The following TEKT3 variants were observed in gnomAD, a reference collection of about 807,000 sequenced individuals.
The protein encoded by TEKT3 is tektin 3.
In TEKT3, 49 loss-of-function variants were observed where a neutral mutation model predicts 49.8. That is an observed-to-expected ratio of 0.98 (90% confidence interval 0.78 to 1.25). The LOEUF is 1.25. Among genes scored for constraint, TEKT3 ranks in the 50% most tolerant of loss-of-function variants. The pLI, the probability that TEKT3 is intolerant of heterozygous loss-of-function variation, is 0.00. For synonymous variants in TEKT3, 225 were observed against 237.2 expected, an observed-to-expected ratio of 0.95 and a Z score of 0.47; for missense variants, 595 against 629.5, an observed-to-expected ratio of 0.95 and a Z score of 0.59.
intron 4 of TEKT3, among the ~76,000 whole-genome samples, chr17:15,326,998 G>A (rs550754714): frequency 6.6e-6 from 1 of 152,170 alleles, no homozygotes; most frequent in East Asian, 1.9e-4. Flanking sequence ...AGAACCTTTG[G>A]CACAACAATT....
chr17:15,332,695 G>A (rs1013654898), intron 2 of TEKT3, among the ~76,000 whole-genome samples: 4 of 152,172 alleles, frequency 2.6e-5, no homozygotes, highest in African/African-American at 9.7e-5. Context: ...TGAGGGCTAA[G>A]ACAATGCTAT....
chr17:15,333,475 G>A (rs967412079), intron 2 of TEKT3, among the ~76,000 whole-genome samples: 2 of 152,028 alleles, frequency 1.3e-5, no homozygotes, highest in Non-Finnish European at 2.9e-5. Context: ...GCCCCCAAAC[G>A]TGTTATACTG....
intron 1 of TEKT3, among the ~76,000 whole-genome samples, 162 bp downstream of exon 1, chr17:15,341,356 G>T (rs1196628768): frequency 6.6e-6 from 1 of 152,214 alleles, no homozygotes. Flanking sequence ...CTGTGGATTT[G>T]TACGGTTTTT....
At chr17:15,313,280 C>T (rs879410021) in intron 6 of TEKT3, among the ~76,000 whole-genome samples, 3 of 152,144 alleles carry the variant, frequency 2.0e-5, no homozygotes, top group Non-Finnish European at 2.9e-5. Context: ...ATTTCAACTG[C>T]GTGCATTGTA....
chr17:15,335,832 A>G (rs1413687191), intron 2 of TEKT3, among the ~76,000 whole-genome samples: 1 of 152,182 alleles, frequency 6.6e-6, no homozygotes, highest in Non-Finnish European at 1.5e-5. Flanking sequence ...CAGGAATAAA[A>G]CATACAATAT....
chr17:15,309,199 T>G (rs1448777941), intron 7 of TEKT3, among the ~76,000 whole-genome samples: 1 of 152,306 alleles, frequency 6.6e-6, no homozygotes, highest in South Asian at 2.1e-4. Flanking sequence ...CACCTCTGTG[T>G]TCTGATAAAA....
intron 7 of TEKT3, among the ~76,000 whole-genome samples, chr17:15,309,820 G>A (rs560688480): frequency 3.3e-5 from 5 of 152,094 alleles, no homozygotes; most frequent in South Asian, 4.2e-4. Context: ...AGCTGACATC[G>A]AGGCCTCTCT....
chr17:15,329,085 C>A (rs1329220642), intron 3 of TEKT3, among the ~76,000 whole-genome samples: 1 of 152,136 alleles, frequency 6.6e-6, no homozygotes, highest in Non-Finnish European at 1.5e-5. Context: ...ATCCATAGCC[C>A]CACCAGTAAT....
chr17:15,313,663 C>T (rs1376105794), intron 6 of TEKT3, among the ~76,000 whole-genome samples: 1 of 152,114 alleles, frequency 6.6e-6, no homozygotes, highest in Non-Finnish European at 1.5e-5. Context: ...CACCCACCAC[C>T]ATGCCTGGCT....
intron 5 of TEKT3, among the ~76,000 whole-genome samples, chr17:15,314,840 C>A (rs986492525): frequency 1.4e-4 from 22 of 152,126 alleles, no homozygotes; most frequent in African/African-American, 5.1e-4. Flanking sequence ...AGATCGGGAA[C>A]TAATGGTCCA....
rs768776541 is a variant in TEKT3 at position 15,312,292 on chromosome 17, A to G, written c.1068T>C (p.Asp356=). The G allele has an allele frequency of 6.2e-7, 1 of 1,614,106 alleles. No homozygotes were observed. The highest frequency in any genetic ancestry group is 1.3e-5 in the African/African-American group (1 of 74,934). Residue 356 remains aspartate, a synonymous_variant, in exon 7 of 9, where the codon GAT becomes GAC. Transcript: ENST00000395930. Reference sequence around the variant, plus strand: ...AGTGCGTCTGAATCTTATTCTTAGCATCTGCAGTCTCAGCAATGCGATTGG... The same window carrying G: ...AGTGCGTCTGAATCTTATTCTTAGCGTCTGCAGTCTCAGCAATGCGATTGG... The part of the protein sequence containing the change: ...SFTNRIAETA[D]AKNKIQTHLA...
intron 5 of TEKT3, 187 bp from the exon 6 acceptor site, chr17:15,314,417 G>A: frequency 3.1e-6 from 2 of 635,072 alleles, no homozygotes; most frequent in Non-Finnish European, 5.3e-6. Flanking sequence ...CTACGTCACT[G>A]GGACCCTAAC....
At position 15,304,225 on chromosome 17, in the gene TEKT3, C is replaced by G; in HGVS notation, c.1257-73G>C. 1 of 1,469,374 alleles carries G rather than the reference C, an allele frequency of 6.8e-7. No individual in the cohort carries two copies. The highest frequency in any genetic ancestry group is 9.5e-7 in the Non-Finnish European group (1 of 1,056,116). 91.0% of individuals were successfully genotyped at this position (1,469,374 alleles called of 1,614,324 possible). A position where few individuals can be genotyped will look rare whatever the true frequency, so the allele number is the denominator to read the frequency against. Reference sequence around the variant, plus strand: ...CAACTCCAAGTACATCACATTGTAACCAGCGATGCAAAGCTCACATTTTCT... The same window carrying G: ...CAACTCCAAGTACATCACATTGTAAGCAGCGATGCAAAGCTCACATTTTCT... On this transcript the variant is annotated intron_variant, in intron 8 of 8. Transcript: ENST00000395930. The surrounding 1 kb of genome is among the most constrained non-coding windows in gnomAD (Gnocchi z 4.7).
At chr17:15,334,590 A>C (rs1292305476) in intron 2 of TEKT3, among the ~76,000 whole-genome samples, 4 of 152,246 alleles carry the variant, frequency 2.6e-5, no homozygotes, top group Non-Finnish European at 5.9e-5. Flanking sequence ...AATATAGTTT[A>C]CAAAAGCACC....
chr17:15,340,094 T>C (rs536598481), intron 1 of TEKT3, 33 bp from the exon 2 acceptor site: 1 of 152,278 alleles, frequency 6.6e-6, no homozygotes, highest in South Asian at 2.1e-4. Flanking sequence ...ACAATTAGAA[T>C]GTACAAGAAT....
At position 15,312,256 on chromosome 17, in the gene TEKT3, T is replaced by C; in HGVS notation, c.1101+3A>G. 1.2e-6 allele frequency: 2 copies of C among 1,614,072 alleles called. No individual in the cohort carries two copies. Among genetic ancestry groups the C allele is most frequent in the Non-Finnish European group, 1.7e-6 (2 of 1,179,972 alleles). ...TAAGGGGTACCACTGGCGGTTGATT[T>C]ACCTTTGCTAAGTGCGTCTGAATCT... On this transcript the variant is annotated splice_donor_region_variant and intron_variant, in intron 7 of 8. Transcript: ENST00000395930.
rs547345411 is a variant in TEKT3, at chr17:15,318,972, C to T, written c.734+105G>A. On this transcript the variant is annotated intron_variant, in intron 5 of 8. Coordinates refer to ENST00000395930, the MANE Select transcript of TEKT3 (RefSeq NM_031898.3). ...ATTTGAATAAAAATATGTGTATATG[C>T]CTGTGTGTGTGTCCTTATAAGAAAT... The T allele has an allele frequency of 4.8e-6, 4 of 837,910 alleles. No individual in the cohort carries two copies. The South Asian group carries it at 7.6e-5, about 16-fold the overall frequency. The allele number at this position is 837,910 out of a possible 1,614,324, so 51.9% of individuals were successfully genotyped here.
intron 2 of TEKT3, among the ~76,000 whole-genome samples, chr17:15,333,713 T>G (rs1174164708): frequency 1.3e-5 from 2 of 151,530 alleles, no homozygotes; most frequent in African/African-American, 4.9e-5. Context: ...CCACTCCTAC[T>G]TGGCTTTGGT....
chr17:15,317,977 C>CTTTTTTTTTTTTT (rs371718658), intron 5 of TEKT3, among the ~76,000 whole-genome samples: 1 of 137,532 alleles, frequency 7.3e-6, no homozygotes, highest in Non-Finnish European at 1.5e-5. Context: ...GGTCGGATCT[C>CTTTTTTTTTTTTT]TTTTTTTTTT....
Sources: allele counts gnomAD v4.1 joint callset (sites outside exome capture counted in the v4.1 genomes callset), GRCh38; gene constraint gnomAD v4.1.1; non-coding constraint Gnocchi (gnomAD v3.1); transcripts MANE v1.5; gene names NCBI Gene and HGNC (gene_info 2026-07-23, HGNC 2026-07-21).